PRKCE: variants seen among roughly 807,000 people sequenced by gnomAD.
PRKCE encodes protein kinase C epsilon type.
In PRKCE, 16 loss-of-function variants were observed where a neutral mutation model predicts 85.4. The ratio of observed to expected loss-of-function variants is 0.19; its 90% confidence interval spans 0.13 to 0.28. PRKCE has a LOEUF of 0.28. Ranked by LOEUF, PRKCE falls within the 10% of genes least tolerant of loss-of-function variation. PRKCE has a pLI of 1.00. For synonymous variants in PRKCE, 388 were observed against 371.5 expected (o/e 1.04, Z -0.51); for missense variants, 573 against 975.2 (o/e 0.59, Z 5.49).
chr2:46,186,108 C>T lies in PRKCE; in HGVS notation c.*1227C>T, dbSNP rs925057113. Reference sequence around the variant, plus strand: ...CTCAGTTTTGTTTCTGTGTGACATGCAATGGCAACTCATGTGGACACTATT... The same window carrying T: ...CTCAGTTTTGTTTCTGTGTGACATGTAATGGCAACTCATGTGGACACTATT... On this transcript the variant is annotated 3_prime_UTR_variant, in exon 15 of 15. Coordinates refer to ENST00000306156, the MANE Select transcript of PRKCE (RefSeq NM_005400.3). 2 of 152,732 alleles carry T rather than the reference C, an allele frequency of 1.3e-5. No individual in the cohort carries two copies. Among genetic ancestry groups the T allele is most frequent in the Admixed American group, 6.5e-5 (1 of 15,306 alleles). 9.5% of individuals were successfully genotyped at this position (152,732 alleles called of 1,614,324 possible). A position where few individuals can be genotyped will look rare whatever the true frequency, so the allele number is the denominator to read the frequency against.
At position 46,145,190 on chromosome 2, in the gene PRKCE, A is replaced by T; in HGVS notation, c.1690A>T (p.Thr564Ser). 1 of 1,599,692 alleles carries T rather than the reference A, an allele frequency of 6.3e-7. No homozygotes were observed. The highest frequency in any genetic ancestry group is 8.5e-7 in the Non-Finnish European group (1 of 1,179,946). Residue 564 changes from threonine (T) to serine (S), a missense_variant, in exon 12 of 15, where the codon ACC becomes TCC. This residue lies in a region of PRKCE where 15 missense variants were observed against 42.2 expected (regional missense o/e 0.36). Transcript: ENST00000306156. This position sits in a 1 kb window ranked among gnomAD's most constrained non-coding sequence, Gnocchi z 4.6. ...GGAAGGGATTCTGAATGGTGTGACG[A>T]CCACCACGTTCTGTGGGACTCCTGA... ...CKEGILNGVT[T>S]TTFCGTPDYI...
intron 1 of PRKCE, among the ~76,000 whole-genome samples, chr2:45,707,765 C>T (rs1227442449): frequency 3.9e-5 from 6 of 152,226 alleles, no homozygotes; most frequent in African/African-American, 1.4e-4. Flanking sequence ...GCTCCTGCAT[C>T]CTCCCACACA....
intron 1 of PRKCE, among the ~76,000 whole-genome samples, chr2:45,797,795 G>A (rs1687562788): frequency 6.6e-6 from 1 of 152,200 alleles, no homozygotes; most frequent in East Asian, 1.9e-4. Context: ...TTGGCGCTTG[G>A]CGCTTTCAGC....
intron 10 of PRKCE, among the ~76,000 whole-genome samples, chr2:46,047,982 G>T (rs1482075285): frequency 6.6e-6 from 1 of 152,116 alleles, no homozygotes; most frequent in Non-Finnish European, 1.5e-5. Context: ...AAAGTACTTT[G>T]AAAATTGGAA....
intron 1 of PRKCE, among the ~76,000 whole-genome samples, chr2:45,752,494 G>A (rs377082448): frequency 6.6e-6 from 1 of 151,846 alleles, no homozygotes. Context: ...AGAGAAGCTG[G>A]GATTTCTTTC....
intron 11 of PRKCE, among the ~76,000 whole-genome samples, chr2:46,104,296 CTTTT>C (rs59018550): frequency 1.7e-5 from 2 of 118,516 alleles, no homozygotes; most frequent in East Asian, 2.5e-4. Flanking sequence ...TCACCTTGTA[CTTTT>C]TTTTTTTTTT....
chr2:45,858,769 G>A (rs773692131), intron 2 of PRKCE, among the ~76,000 whole-genome samples: 3 of 152,158 alleles, frequency 2.0e-5, no homozygotes, highest in African/African-American at 2.4e-5. Flanking sequence ...GGCCGGGTGC[G>A]GTGGCTCATA....
rs1677136267 is a variant in PRKCE, at chr2:45,684,447, A to G, written c.348+31999A>G. Among the ~76,000 whole-genome samples, 3 of 152,362 alleles carry G rather than the reference A, an allele frequency of 2.0e-5. No homozygotes were observed. In the South Asian group the frequency reaches 6.2e-4, roughly 32 times the overall value. On this transcript the variant is annotated intron_variant, in intron 1 of 14. Transcript: ENST00000306156. ...CAGATATCTGACCTAGACTCTCTAT[A>G]GGAAATATATTCTGCCTTGCGGCAT...
In PRKCE at chr2:45,802,824, C is replaced by A. The variant is rs146143842; in HGVS notation, c.349-40176C>A. On this transcript the variant is annotated intron_variant, in intron 1 of 14. Transcript: ENST00000306156. ...CGGTGGACATAGACGTATAAACATGCACAGTATATGCACTAAATCATATGG... is the reference window on the plus strand; with the variant it reads ...CGGTGGACATAGACGTATAAACATGAACAGTATATGCACTAAATCATATGG... 3.5e-3 allele frequency among the ~76,000 whole-genome samples: 533 copies of A among 152,330 alleles called. 4 individuals are homozygous for A. Among genetic ancestry groups the A allele is most frequent in the African/African-American group, 0.012 (510 of 41,576 alleles).
intron 2 of PRKCE, among the ~76,000 whole-genome samples, chr2:45,956,640 G>T (rs147924926): frequency 1.4e-4 from 22 of 151,996 alleles, no homozygotes; most frequent in Non-Finnish European, 2.9e-4. Context: ...AGCCAAGGTC[G>T]CACCACTACA....
chr2:45,732,184 A>G (rs1681636617), intron 1 of PRKCE, among the ~76,000 whole-genome samples: 2 of 152,112 alleles, frequency 1.3e-5, no homozygotes, highest in Admixed American at 6.5e-5. Flanking sequence ...GAGGGAGGAA[A>G]GAATATGGGG....
At chr2:45,776,042 C>T (rs142321262) in intron 1 of PRKCE, among the ~76,000 whole-genome samples, 16 of 152,290 alleles carry the variant, frequency 1.1e-4, no homozygotes, top group East Asian at 5.8e-4. Context: ...TACTTAAAAC[C>T]GCAATGCCCT....
chr2:45,835,958 T>A (rs1690839833), intron 1 of PRKCE, among the ~76,000 whole-genome samples: 1 of 152,224 alleles, frequency 6.6e-6, no homozygotes, highest in African/African-American at 2.4e-5. Context: ...TGCTTATTCA[T>A]TTACCTGTTG....
rs529280135 is a variant in PRKCE, at chr2:45,771,089, C to T, written c.349-71911C>T. 5.3e-5 allele frequency among the ~76,000 whole-genome samples: 8 copies of T among 152,196 alleles called. No individual in the cohort carries two copies. The South Asian group carries it at 1.7e-3, about 32-fold the overall frequency. ...TGAGCTCAATGATGATGAGGGTCCCCCAGTGTTTAGAGGGGCTGCACTGGG... is the reference window on the plus strand; with the variant it reads ...TGAGCTCAATGATGATGAGGGTCCCTCAGTGTTTAGAGGGGCTGCACTGGG... On this transcript the variant is annotated intron_variant, in intron 1 of 14. Coordinates refer to ENST00000306156, the MANE Select transcript of PRKCE (RefSeq NM_005400.3).
At position 46,023,089 on chromosome 2, in the gene PRKCE, C is replaced by CAAAAA. The variant is rs397984467; in HGVS notation, c.1437+12589_1437+12593dup. Among the ~76,000 whole-genome samples the CAAAAA allele has an allele frequency of 8.1e-4, 58 of 71,512 alleles. 6 individuals are homozygous for CAAAAA. Among genetic ancestry groups the CAAAAA allele is most frequent in the African/African-American group, 2.9e-3 (48 of 16,398 alleles). The allele number at this position is 71,512 out of a possible 152,430, so 46.9% of individuals were successfully genotyped here. A position where few individuals can be genotyped will look rare whatever the true frequency, so the allele number is the denominator to read the frequency against. On this transcript the variant is annotated intron_variant, in intron 10 of 14. Coordinates refer to ENST00000306156, the MANE Select transcript of PRKCE (RefSeq NM_005400.3). ...TGGGCGACAGAGCGAGACTCCGTCT[C>CAAAAA]AAAAAAAAAAAAAAAAAAAAATCAT... is the stretch of plus-strand genomic sequence containing the variant.
At chr2:45,765,076 A>G (rs1285983085) in intron 1 of PRKCE, among the ~76,000 whole-genome samples, 1 of 151,810 alleles carries the variant, frequency 6.6e-6, no homozygotes, top group Non-Finnish European at 1.5e-5. Context: ...AAACCCACCC[A>G]CTCACACGGG....
At chr2:46,020,554 C>G (rs1362488288) in intron 10 of PRKCE, among the ~76,000 whole-genome samples, 1 of 152,178 alleles carries the variant, frequency 6.6e-6, no homozygotes, top group African/African-American at 2.4e-5. Flanking sequence ...GAAGCAGATT[C>G]AAGATTCTGG....
rs188958441 is a variant in PRKCE at position 45,959,839 on chromosome 2, A to G, written c.413-16590A>G. On this transcript the variant is annotated intron_variant, in intron 2 of 14. Transcript: ENST00000306156. ...CTGGTCTTCTCTCTGTCACCTCCTT[A>G]TGTTCCCTGGCATGTGTGTTGTGGT... 6.6e-4 allele frequency among the ~76,000 whole-genome samples: 100 copies of G among 152,208 alleles called. 2 individuals carry two copies. Among genetic ancestry groups the G allele is most frequent in the Admixed American group, 6.5e-3 (99 of 15,292 alleles).
chr2:45,839,954 T>C (rs1421365909), intron 1 of PRKCE, among the ~76,000 whole-genome samples: 1 of 152,250 alleles, frequency 6.6e-6, no homozygotes, highest in Non-Finnish European at 1.5e-5. Context: ...GCTAAAATGC[T>C]TTCTGATTGC....
Sources: allele counts gnomAD v4.1 joint callset (sites outside exome capture counted in the v4.1 genomes callset), GRCh38; gene constraint gnomAD v4.1.1; regional missense constraint gnomAD v4.1.1; non-coding constraint Gnocchi (gnomAD v3.1); transcripts MANE v1.5; gene names NCBI Gene and HGNC (gene_info 2026-07-23, HGNC 2026-07-21).